Variants in MAPK14 observed in about 807,000 individuals in gnomAD.
MAPK14 encodes the protein mitogen-activated protein kinase 14, also known as CSAID-binding protein.
MAPK14 carries 16 observed loss-of-function variants against 49.6 expected under a neutral mutation model. The ratio of observed to expected loss-of-function variants is 0.32; its 90% CI spans 0.22 to 0.49. The LOEUF (loss-of-function observed/expected upper bound fraction) is 0.49. MAPK14 is among the 20% of genes least tolerant of loss of function. The probability of loss-of-function intolerance (pLI) is 0.99; values close to 1 mark genes in which losing one functional copy is unlikely to be tolerated. For synonymous variants in MAPK14, 142 were observed against 158.0 expected (o/e 0.90, Z 0.76); for missense variants, 200 against 441.2 (o/e 0.45, Z 4.90).
intron 8 of MAPK14, among the ~76,000 whole-genome samples, chr6:36,079,809 T>C (rs1322618413): frequency 6.6e-6 from 1 of 152,204 alleles, no homozygotes; most frequent in Non-Finnish European, 1.5e-5. Context: ...TGTGGCTAAT[T>C]ATTAAGCAAC....
rs3730327 is a variant in MAPK14 at position 36,059,365 on chromosome 6, A to G, written c.305+18A>G. The G allele has an allele frequency of 0.11, 171,751 of 1,593,260 alleles. 11,534 individuals carry two copies. Among genetic ancestry groups the G allele is most frequent in the African/African-American group, 0.32 (23,866 of 74,248 alleles). ...AATGATGTGTGAGTAAATTTTTTGC[A>G]TTTGCCTTCCTGGTCTACAGAATGA... is the stretch of plus-strand genomic sequence containing the variant. On this transcript the variant is annotated intron_variant, in intron 3 of 11. Coordinates refer to ENST00000229794, the MANE Select transcript of MAPK14 (RefSeq NM_139012.3).
chr6:36,067,329 A>G (rs751118501), intron 3 of MAPK14, among the ~76,000 whole-genome samples: 1 of 152,126 alleles, frequency 6.6e-6, no homozygotes, highest in Non-Finnish European at 1.5e-5. Context: ...TGTGTTCTCC[A>G]TCACCGTATG....
chr6:36,030,559 C>T (rs949306725), intron 1 of MAPK14, among the ~76,000 whole-genome samples: 12 of 151,786 alleles, frequency 7.9e-5, no homozygotes, highest in African/African-American at 2.7e-4. Flanking sequence ...TGGTGGCGGG[C>T]GCCTGTACTC....
At chr6:36,038,220 G>GTCCT (rs1762825895) in intron 1 of MAPK14, among the ~76,000 whole-genome samples, 1 of 152,184 alleles carries the variant, frequency 6.6e-6, no homozygotes, top group South Asian at 2.1e-4. Flanking sequence ...TGAAGAAGGT[G>GTCCT]ATATAGGACA....
At position 36,073,694 on chromosome 6, in the gene MAPK14, A is replaced by G. The variant is rs1764403101; in HGVS notation, c.421A>G (p.Ile141Val). Residue 141 changes from isoleucine (I) to valine (V), a missense_variant, in exon 5 of 12, where the codon ATA (isoleucine) becomes GTA (valine). Coordinates refer to ENST00000229794, the MANE Select transcript of MAPK14 (RefSeq NM_139012.3). ...TTGACTTTTTTCTCTTTTGCAGTATATACATTCAGCTGACATAATTCACAG... is the reference window on the plus strand; with the variant it reads ...TTGACTTTTTTCTCTTTTGCAGTATGTACATTCAGCTGACATAATTCACAG... ...IYQILRGLKY[I>V]HSADIIHRDL... 1.2e-6 allele frequency: 2 copies of G among 1,612,506 alleles called. No individual in the cohort carries two copies. Among genetic ancestry groups the G allele is most frequent in the East Asian group, 4.5e-5 (2 of 44,796 alleles).
At chr6:36,088,956 G>A (rs1289435181) in intron 8 of MAPK14, among the ~76,000 whole-genome samples, 1 of 152,156 alleles carries the variant, frequency 6.6e-6, no homozygotes, top group Non-Finnish European at 1.5e-5. Context: ...TACACCGTTG[G>A]TAGGAATGTA....
downstream of MAPK14, among the ~76,000 whole-genome samples, chr6:36,114,948 CAG>C (rs992699430): frequency 1.4e-4 from 21 of 152,268 alleles, no homozygotes; most frequent in Admixed American, 7.2e-4. Flanking sequence ...CACGAGTTGA[CAG>C]GGGGCATCGA....
chr6:36,089,180 T>G (rs897168746), intron 8 of MAPK14, among the ~76,000 whole-genome samples: 1 of 151,972 alleles, frequency 6.6e-6, no homozygotes, highest in Non-Finnish European at 1.5e-5. Flanking sequence ...ATGGACTGGA[T>G]AAAAAAACAT....
intron 1 of MAPK14, among the ~76,000 whole-genome samples, chr6:36,040,561 G>A (rs1445869520): frequency 2.0e-5 from 3 of 152,290 alleles, no homozygotes; most frequent in South Asian, 4.1e-4. Flanking sequence ...AACCCAATAA[G>A]CTTAATGGAT....
chr6:36,047,606 CA>C (rs1763230235), intron 1 of MAPK14, among the ~76,000 whole-genome samples: 1 of 152,182 alleles, frequency 6.6e-6, no homozygotes, highest in Non-Finnish European at 1.5e-5. Context: ...CTGTATCTTC[CA>C]GGCTAGAGTG....
At chr6:36,043,329 A>G (rs1012118844) in intron 1 of MAPK14, among the ~76,000 whole-genome samples, 2 of 152,226 alleles carry the variant, frequency 1.3e-5, no homozygotes, top group South Asian at 4.1e-4. Flanking sequence ...TCTGAAGAAG[A>G]TAAATGTATA....
chr6:36,046,024 C>G, intron 1 of MAPK14, among the ~76,000 whole-genome samples: 1 of 151,978 alleles, frequency 6.6e-6, no homozygotes, highest in East Asian at 1.9e-4. Context: ...TATGAAGAAT[C>G]TAGTAACCCA....
intron 1 of MAPK14, among the ~76,000 whole-genome samples, chr6:36,051,116 C>CTAT (rs1339486147): frequency 6.8e-6 from 1 of 147,026 alleles, no homozygotes; most frequent in Non-Finnish European, 1.5e-5. Context: ...TCTGTTATTA[C>CTAT]TATTTTTTTT....
At chr6:36,074,164 A>G in intron 6 of MAPK14, 68 bp downstream of exon 6, 1 of 1,227,206 alleles carries the variant, frequency 8.1e-7, no homozygotes, top group Non-Finnish European at 1.2e-6. Context: ...AAGCAGGCAG[A>G]CTTTCTTAGG....
intron 3 of MAPK14, among the ~76,000 whole-genome samples, chr6:36,063,799 C>T (rs1357513388): frequency 2.0e-5 from 3 of 152,144 alleles, no homozygotes; most frequent in Non-Finnish European, 4.4e-5. Context: ...TACTAAGTTG[C>T]TCTTGACCAC....
chr6:36,095,892 C>T (rs760461012), intron 8 of MAPK14, 95 bp from the exon 9 acceptor site: 16 of 752,926 alleles, frequency 2.1e-5, no homozygotes, highest in South Asian at 5.1e-5. Flanking sequence ...TTTTTGTTCT[C>T]GGTGTGTTCT....
chr6:36,119,721 G>A, the MAPK14 span, among the ~76,000 whole-genome samples: 11 of 152,178 alleles, frequency 7.2e-5, no homozygotes, highest in South Asian at 1.2e-3. Context: ...GCATCTAGTG[G>A]GTAGAGGCCA....
At chr6:36,040,845 A>G (rs1762935528) in intron 1 of MAPK14, among the ~76,000 whole-genome samples, 1 of 152,228 alleles carries the variant, frequency 6.6e-6, no homozygotes, top group Non-Finnish European at 1.5e-5. Flanking sequence ...TCAAACTCCT[A>G]GAAATAAAAT....
chr6:36,034,420 T>C (rs1016682025), intron 1 of MAPK14, among the ~76,000 whole-genome samples: 2 of 152,226 alleles, frequency 1.3e-5, no homozygotes, highest in Non-Finnish European at 2.9e-5. Context: ...TAAATAGAAA[T>C]AACTGCCTCT....
Sources: gnomAD v4.1 joint callset for allele counts (sites outside exome capture counted in the v4.1 genomes callset) on GRCh38, gnomAD v4.1.1 for gene constraint, MANE v1.5 for transcripts, NCBI Gene and HGNC (gene_info 2026-07-23, HGNC 2026-07-21) for gene names.